EPHA6: variants seen among roughly 807,000 people sequenced by gnomAD.
The protein encoded by EPHA6 is ephrin type-A receptor 6.
A neutral mutation model predicts 112.0 loss-of-function variants in EPHA6; 50 were observed. The ratio of observed to expected loss-of-function variants is 0.45; its 90% CI spans 0.36 to 0.56. The LOEUF (loss-of-function observed/expected upper bound fraction) is 0.56. Among genes scored for constraint, EPHA6 ranks in the 20% least tolerant of loss-of-function variants. The pLI is 0.00. For missense variants in EPHA6, 1,280 were observed against 1,417.4 expected, an observed-to-expected ratio of 0.90 and a Z score of 1.56; for synonymous variants, 529 against 490.7, an observed-to-expected ratio of 1.08 and a Z score of -1.03.
intron 5 of EPHA6, among the ~76,000 whole-genome samples, chr3:97,362,547 T>C (rs1006515741): frequency 6.6e-6 from 1 of 152,100 alleles, no homozygotes; most frequent in African/African-American, 2.4e-5. Context: ...TATATGTTTA[T>C]GGGCTACTGA....
At position 96,942,820 on chromosome 3, in the gene EPHA6, A is replaced by G. The variant is rs569840519; in HGVS notation, c.451-44510A>G. Among the ~76,000 whole-genome samples the G allele has an allele frequency of 2.0e-5, 3 of 152,264 alleles. No individual in the cohort carries two copies. In the South Asian group the frequency reaches 6.2e-4, roughly 32 times the overall value. On this transcript the variant is annotated intron_variant, in intron 2 of 17. Transcript: ENST00000389672. ...TAAGTATTCATATGTTCATTTCCTA[A>G]GCCTAGGAGAACTCTGGGATACAAA...
intron 4 of EPHA6, among the ~76,000 whole-genome samples, chr3:97,242,120 T>C (rs2078865886): frequency 6.6e-6 from 1 of 151,656 alleles, no homozygotes; most frequent in African/African-American, 2.4e-5. Context: ...CCCAGCAACC[T>C]TTTAGAAAAA....
At chr3:97,073,956 G>A (rs2046436271) in intron 3 of EPHA6, among the ~76,000 whole-genome samples, 1 of 151,598 alleles carries the variant, frequency 6.6e-6, no homozygotes, top group Non-Finnish European at 1.5e-5. Flanking sequence ...GTGTTTATTG[G>A]CCATTTATTT....
At chr3:97,497,783 A>G (rs759954392) in intron 10 of EPHA6, among the ~76,000 whole-genome samples, 1 of 152,118 alleles carries the variant, frequency 6.6e-6, no homozygotes, top group Non-Finnish European at 1.5e-5. Flanking sequence ...CTGTGATGGA[A>G]TGCTGAAAAG....
intron 5 of EPHA6, among the ~76,000 whole-genome samples, chr3:97,393,054 A>C (rs1441335190): frequency 7.9e-5 from 12 of 151,878 alleles, no homozygotes; most frequent in Admixed American, 7.9e-4. Context: ...TAATATAAAC[A>C]GATGTTATAA....
chr3:97,635,969 C>G (rs1303227041), intron 13 of EPHA6, among the ~76,000 whole-genome samples: 1 of 151,846 alleles, frequency 6.6e-6, no homozygotes, highest in Non-Finnish European at 1.5e-5. Flanking sequence ...AGGGAATTTT[C>G]TGACTCATTA....
At chr3:97,695,179 T>G (rs915630567) in intron 14 of EPHA6, among the ~76,000 whole-genome samples, 3 of 152,218 alleles carry the variant, frequency 2.0e-5, no homozygotes, top group Non-Finnish European at 4.4e-5. Context: ...ATATCTGATT[T>G]TGTATTACTC....
intron 2 of EPHA6, among the ~76,000 whole-genome samples, chr3:96,916,243 C>A (rs531259591): frequency 2.6e-5 from 4 of 151,950 alleles, no homozygotes; most frequent in African/African-American, 9.7e-5. Flanking sequence ...TGGGACAGAG[C>A]CTTTGGAAAG....
chr3:96,960,847 C>T (rs1179950572), intron 2 of EPHA6, among the ~76,000 whole-genome samples: 1 of 152,130 alleles, frequency 6.6e-6, no homozygotes, highest in Non-Finnish European at 1.5e-5. Flanking sequence ...CTGTTAAATT[C>T]TGAGTCATAG....
chr3:97,258,130 A>G (rs778889814), intron 5 of EPHA6, among the ~76,000 whole-genome samples: 3 of 152,082 alleles, frequency 2.0e-5, no homozygotes, highest in African/African-American at 4.8e-5. Flanking sequence ...AATATTTTCT[A>G]TTGGACAGTC....
In EPHA6 at chr3:97,503,128, A is replaced by G. The variant is rs544880826; in HGVS notation, c.2200+19069A>G. 7.2e-5 allele frequency among the ~76,000 whole-genome samples: 11 copies of G among 152,176 alleles called. No individual in the cohort carries two copies. In the East Asian group the frequency reaches 1.5e-3, roughly 21 times the overall value. On this transcript the variant is annotated intron_variant, in intron 10 of 17. Transcript: ENST00000389672. Reference sequence around the variant, plus strand: ...CTTTGTTACAATAAATGTAAAAATTAGATAAAAGAGACAAGTTTTTGGAAA... The same window carrying G: ...CTTTGTTACAATAAATGTAAAAATTGGATAAAAGAGACAAGTTTTTGGAAA...
At chr3:97,501,924 G>A (rs74541926) in intron 10 of EPHA6, among the ~76,000 whole-genome samples, 3,555 of 152,014 alleles carry the variant, frequency 0.023, 143 homozygotes, top group African/African-American at 0.078. Context: ...TGAAGAAAGA[G>A]GCTGGCAAGT....
chr3:97,357,205 G>C (rs1048698714), intron 5 of EPHA6, among the ~76,000 whole-genome samples: 2 of 151,952 alleles, frequency 1.3e-5, no homozygotes, highest in Non-Finnish European at 2.9e-5. Flanking sequence ...GTATAGTTTT[G>C]TGTTTTTTGG....
intron 6 of EPHA6, among the ~76,000 whole-genome samples, chr3:97,405,842 C>A (rs911330743): frequency 1.3e-5 from 2 of 151,892 alleles, no homozygotes; most frequent in Non-Finnish European, 2.9e-5. Context: ...AATAATGGAA[C>A]CCTTATTTCC....
At chr3:97,094,714 C>A (rs1490214422) in intron 3 of EPHA6, among the ~76,000 whole-genome samples, 1 of 152,038 alleles carries the variant, frequency 6.6e-6, no homozygotes, top group Non-Finnish European at 1.5e-5. Flanking sequence ...TTTAGTCTTG[C>A]TACATAAACT....
intron 3 of EPHA6, among the ~76,000 whole-genome samples, chr3:97,060,961 A>T (rs367744806): frequency 6.7e-6 from 1 of 149,288 alleles, no homozygotes; most frequent in East Asian, 2.0e-4. Flanking sequence ...GTCAGCTAAC[A>T]CTCAGCCCAA....
At chr3:97,406,436 C>T (rs2087350224) in intron 6 of EPHA6, among the ~76,000 whole-genome samples, 1 of 152,064 alleles carries the variant, frequency 6.6e-6, no homozygotes, top group African/African-American at 2.4e-5. Context: ...GAGCTTACTT[C>T]TGCAATATGA....
chr3:97,177,097 G>T (rs896577594), intron 3 of EPHA6, among the ~76,000 whole-genome samples: 7 of 151,572 alleles, frequency 4.6e-5, no homozygotes, highest in Non-Finnish European at 7.4e-5. Context: ...TTTGATAAAA[G>T]AATTTTTCAG....
At chr3:97,613,828 A>G (rs2093740651) in intron 13 of EPHA6, among the ~76,000 whole-genome samples, 1 of 152,226 alleles carries the variant, frequency 6.6e-6, no homozygotes, top group African/African-American at 2.4e-5. Flanking sequence ...GATAGTGGTC[A>G]AGGTTACACT....
Sources: gnomAD v4.1 joint callset for allele counts (sites outside exome capture counted in the v4.1 genomes callset) on GRCh38, gnomAD v4.1.1 for gene constraint, MANE v1.5 for transcripts, NCBI Gene and HGNC (gene_info 2026-07-23, HGNC 2026-07-21) for gene names.